CEP85L: variants seen among roughly 807,000 people sequenced by gnomAD.
CEP85L encodes centrosomal protein 85L, also known as centrosomal protein of 85 kDa-like.
Under a neutral mutation model 100.3 loss-of-function variants are expected in CEP85L, and 60 were observed. The observed-to-expected ratio is 0.60, with a 90% CI of 0.49 to 0.74. The LOEUF is 0.74. Ranked by LOEUF, CEP85L falls within the 30% of genes least tolerant of loss-of-function variation. CEP85L has a pLI of 0.00. For missense variants in CEP85L, 973 were observed against 936.2 expected, an observed-to-expected ratio of 1.04 and a Z score of -0.51; for synonymous variants, 319 against 322.7, an observed-to-expected ratio of 0.99 and a Z score of 0.12.
chr6:118,626,983 T>A (rs1252841915), intron 2 of CEP85L, among the ~76,000 whole-genome samples: 1 of 152,052 alleles, frequency 6.6e-6, no homozygotes, highest in Non-Finnish European at 1.5e-5. Flanking sequence ...GTGGATCACT[T>A]GAGGCCAGGA....
chr6:118,580,500 T>TCTGCTGGTTAGC (rs1780511482), intron 2 of CEP85L, among the ~76,000 whole-genome samples: 1 of 152,246 alleles, frequency 6.6e-6, no homozygotes, highest in African/African-American at 2.4e-5. Flanking sequence ...ACACTTATCG[T>TCTGCTGGTTAGC]TGGCTGCTGT....
At chr6:118,550,404 A>G (rs1347057878) in intron 3 of CEP85L, among the ~76,000 whole-genome samples, 2 of 151,882 alleles carry the variant, frequency 1.3e-5, no homozygotes, top group African/African-American at 4.8e-5. Flanking sequence ...TAAAAAACCT[A>G]AAGTCTAGTT....
chr6:118,671,691 A>C (rs180735428), intron 1 of CEP85L, among the ~76,000 whole-genome samples: 1 of 152,314 alleles, frequency 6.6e-6, no homozygotes, highest in East Asian at 1.9e-4. Context: ...TAATTCCAGC[A>C]CTTTGGGAGG....
At chr6:118,699,669 C>T (rs1562365672) in intron 1 of CEP85L, among the ~76,000 whole-genome samples, 1 of 151,570 alleles carries the variant, frequency 6.6e-6, no homozygotes, top group Non-Finnish European at 1.5e-5. Context: ...AGCTCTAGTG[C>T]TATTATTATT....
rs544555026 is a variant in CEP85L at position 118,697,162 on chromosome 6, G to A, written c.-28+12874C>T. On this transcript the variant is annotated intron_variant, in intron 1 of 13. Coordinates refer to the CEP85L transcript ENST00000368488. ...CACTGATTCACCTGCAAGCGTAGAG[G>A]TGTGGTCAGCCTTCTCTGGAGCATA... Among the ~76,000 whole-genome samples, 5 of 152,314 alleles carry A rather than the reference G, an allele frequency of 3.3e-5. No homozygotes were observed. In the South Asian group the frequency reaches 1.0e-3, roughly 32 times the overall value.
chr6:118,624,113 T>C (rs958445745), intron 2 of CEP85L, among the ~76,000 whole-genome samples: 3 of 152,132 alleles, frequency 2.0e-5, no homozygotes, highest in Admixed American at 2.0e-4. Flanking sequence ...GCCCTGCTTC[T>C]CCTATTTCGG....
chr6:118,599,667 CAT>C (rs1392837945), intron 2 of CEP85L, among the ~76,000 whole-genome samples: 6 of 152,126 alleles, frequency 3.9e-5, no homozygotes, highest in Non-Finnish European at 8.8e-5. Flanking sequence ...ACCTGGCAAA[CAT>C]ATCTTAAACA....
intron 3 of CEP85L, among the ~76,000 whole-genome samples, chr6:118,526,934 T>C (rs975458600): frequency 1.3e-5 from 2 of 150,676 alleles, no homozygotes; most frequent in African/African-American, 4.9e-5. Context: ...GCCATAAAAA[T>C]AGCCAACCAG....
Position 118,566,075 on chromosome 6 carries a change from A to C in CEP85L, c.474T>G (p.Ser158=). 6.2e-7 allele frequency: 1 copy of C among 1,614,194 alleles called. No individual in the cohort carries two copies. The highest frequency in any genetic ancestry group is 8.5e-7 in the Non-Finnish European group (1 of 1,180,034). The change falls in exon 3 of 13, where the codon TCT becomes TCG. Residue 158 remains serine (S), a synonymous_variant. Coordinates refer to ENST00000368491, the MANE Select transcript of CEP85L (RefSeq NM_001042475.3). ...KDFRPLRKWS[S]LSKLTAPDNC... Reference sequence around the variant, plus strand: ...TATCCGGGGCAGTGAGTTTGGATAAAGATGACCATTTCCGAAGTGGCCGGA... The same window carrying C: ...TATCCGGGGCAGTGAGTTTGGATAACGATGACCATTTCCGAAGTGGCCGGA...
At chr6:118,471,987 GTT>G (rs1772995208) in intron 10 of CEP85L, among the ~76,000 whole-genome samples, 1 of 151,524 alleles carries the variant, frequency 6.6e-6, no homozygotes, top group Non-Finnish European at 1.5e-5. Context: ...ATTTGTGACG[GTT>G]TATTAGAATT....
chr6:118,504,610 G>C (rs530433399), intron 5 of CEP85L, among the ~76,000 whole-genome samples: 3 of 152,156 alleles, frequency 2.0e-5, no homozygotes, highest in South Asian at 2.1e-4. Context: ...ATAACAAATG[G>C]GTTAAGTGTA....
At chr6:118,530,117 T>G (rs1053768282) in intron 3 of CEP85L, among the ~76,000 whole-genome samples, 5 of 151,930 alleles carry the variant, frequency 3.3e-5, no homozygotes, top group Admixed American at 1.3e-4. Context: ...TCACAAATGT[T>G]TACACATTTA....
chr6:118,565,690 C>T lies in CEP85L; in HGVS notation c.859G>A (p.Gly287Arg), dbSNP rs1779457081. The T allele has an allele frequency of 1.2e-6, 2 of 1,614,144 alleles. No homozygotes were observed. The highest frequency in any genetic ancestry group is 2.2e-5 in the South Asian group (2 of 91,080). Residue 287 changes from glycine to arginine, a missense_variant, in exon 3 of 13, where the codon GGA becomes AGA. Coordinates refer to ENST00000368491, the MANE Select transcript of CEP85L (RefSeq NM_001042475.3). ...CTTACGGAAGGCTGAATGGGAACTC[C>T]ACCTACTGCCTGTTGACCAAGCATT... ...YLMLGQQAVG[G>R]VPIQPSVRTQ...
rs1781677547 is a variant in CEP85L at position 118,600,299 on chromosome 6, GGGTGTGTGTGTGTGT to G, written c.232+32139_232+32153del. On this transcript the variant is annotated intron_variant, in intron 2 of 12. Coordinates refer to ENST00000368491, the MANE Select transcript of CEP85L (RefSeq NM_001042475.3). ...ACTGCCTGTCCCTGAGCCTTCCTGG[GGGTGTGTGTGTGTGT>G]GTGTGTGTGTGTGTGTGTGTGTGTG... 3.4e-4 allele frequency among the ~76,000 whole-genome samples: 30 copies of G among 89,010 alleles called. 2 individuals are homozygous for G. Among genetic ancestry groups the G allele is most frequent in the African/African-American group, 9.5e-4 (22 of 23,208 alleles). The allele number at this position is 89,010 out of a possible 152,430, so 58.4% of individuals were successfully genotyped here. A position where few individuals can be genotyped will look rare whatever the true frequency, so the allele number is the denominator to read the frequency against.
intron 4 of CEP85L, among the ~76,000 whole-genome samples, chr6:118,513,991 C>T (rs1776119420): frequency 6.6e-6 from 1 of 151,846 alleles, no homozygotes; most frequent in East Asian, 1.9e-4. Context: ...AGCTCAAAGG[C>T]TAGAAGAGAA....
rs1562159777 is a variant in CEP85L at position 118,461,865 on chromosome 6, T to A, written c.*3540A>T. On this transcript the variant is annotated 3_prime_UTR_variant, in exon 13 of 13. Coordinates refer to ENST00000368491, the MANE Select transcript of CEP85L (RefSeq NM_001042475.3). ...TAATTACATATCTACAATGATATAA[T>A]TCCTACGTAAGAGAATGCCAATAAT... 6.6e-6 allele frequency: 1 copy of A among 152,084 alleles called. No homozygotes were observed. The highest frequency in any genetic ancestry group is 6.5e-5 in the Admixed American group (1 of 15,276). The allele number at this position is 152,084 out of a possible 1,614,324, so 9.4% of individuals were successfully genotyped here. A position where few individuals can be genotyped will look rare whatever the true frequency, so the allele number is the denominator to read the frequency against.
At chr6:118,483,369 T>TC (rs1465794418) in intron 7 of CEP85L, among the ~76,000 whole-genome samples, 25 of 152,126 alleles carry the variant, frequency 1.6e-4, no homozygotes, top group Admixed American at 1.6e-3. Context: ...AAAGGTCTTG[T>TC]CGAGCCTTGG....
At chr6:118,632,701 A>G in intron 1 of CEP85L, 90 bp from the exon 2 acceptor site, 1 of 908,958 alleles carries the variant, frequency 1.1e-6, no homozygotes, top group Non-Finnish European at 1.6e-6. Context: ...CATAGGGTAT[A>G]AAAGGTATAA....
rs765878153 is a variant in CEP85L, at chr6:118,566,111, G to C, written c.438C>G (p.Asp146Glu). The change falls in exon 3 of 13, where the codon GAC becomes GAG. Residue 146 changes from aspartate to glutamate, a missense_variant. Transcript: ENST00000368491. ...TCCGAAGTGGCCGGAAGTCCTTCAT[G>C]TCTAGGGAAGAGTCCTGCTCCCCCC... is the stretch of plus-strand genomic sequence containing the variant. ...HSRGEQDSSL[D>E]MKDFRPLRKW... 9 of 1,614,052 alleles carry C rather than the reference G, an allele frequency of 5.6e-6. No individual in the cohort carries two copies. The African/African-American group carries it at 1.2e-4, about 22-fold the overall frequency.
Sources: gnomAD v4.1 joint callset for allele counts (sites outside exome capture counted in the v4.1 genomes callset) on GRCh38, gnomAD v4.1.1 for gene constraint, MANE v1.5 for transcripts, NCBI Gene and HGNC (gene_info 2026-07-23, HGNC 2026-07-21) for gene names.